CYB5B: variants seen among roughly 807,000 people sequenced by gnomAD.
CYB5B encodes cytochrome b5 type B, also known as cytochrome b5 type B (outer mitochondrial membrane).
CYB5B carries 14 observed loss-of-function variants against 21.3 expected under a neutral mutation model. The ratio of observed to expected loss-of-function variants is 0.66; its 90% CI spans 0.43 to 1.03. CYB5B has a LOEUF of 1.03. Ranked by LOEUF, CYB5B falls within the 50% of genes least tolerant of loss-of-function variation. CYB5B has a pLI of 0.00. For synonymous variants in CYB5B, 69 were observed against 68.4 expected, an observed-to-expected ratio of 1.01 and a Z score of -0.04; for missense variants, 166 against 185.1, an observed-to-expected ratio of 0.90 and a Z score of 0.60.
chr16:69,427,830 C>A (rs2014664238), intron 1 of CYB5B, among the ~76,000 whole-genome samples: 1 of 151,806 alleles, frequency 6.6e-6, no homozygotes, highest in African/African-American at 2.4e-5. Flanking sequence ...CTCGTCTCTA[C>A]TAAAAATACA....
intron 3 of CYB5B, 38 bp from the exon 4 acceptor site, chr16:69,459,052 TTTG>T: frequency 6.5e-7 from 1 of 1,548,900 alleles, no homozygotes; most frequent in Non-Finnish European, 8.7e-7. Context: ...CTTCTTTCTT[TTTG>T]TTTGTTATTT....
intron 1 of CYB5B, among the ~76,000 whole-genome samples, chr16:69,425,734 A>G (rs1009568264): frequency 3.3e-5 from 5 of 152,066 alleles, no homozygotes; most frequent in African/African-American, 1.2e-4. Flanking sequence ...TTCTCTCCCA[A>G]CCCCAGGCAA....
At chr16:69,447,887 C>T (rs927440895) in intron 2 of CYB5B, among the ~76,000 whole-genome samples, 1 of 152,082 alleles carries the variant, frequency 6.6e-6, no homozygotes, top group Non-Finnish European at 1.5e-5. Flanking sequence ...TTGCAAGCTC[C>T]TTGCTAAAGG....
intron 4 of CYB5B, among the ~76,000 whole-genome samples, chr16:69,461,892 C>T (rs891253707): frequency 2.0e-5 from 3 of 152,112 alleles, no homozygotes; most frequent in Admixed American, 6.6e-5. Flanking sequence ...AGAATAATAA[C>T]CCTATTTCGT....
chr16:69,434,137 C>T (rs1309064173), intron 1 of CYB5B, among the ~76,000 whole-genome samples: 1 of 152,162 alleles, frequency 6.6e-6, no homozygotes, highest in Non-Finnish European at 1.5e-5. Context: ...CACTATAGTA[C>T]GTACTCTTCT....
chr16:69,424,927 T>C lies in CYB5B; in HGVS notation c.174+70T>C. 4 of 1,388,142 alleles carry C rather than the reference T, an allele frequency of 2.9e-6. No homozygotes were observed. In the Admixed American group the frequency reaches 8.8e-5, roughly 30 times the overall value. The allele number at this position is 1,388,142 out of a possible 1,614,324, so 86.0% of individuals were successfully genotyped here. On this transcript the variant is annotated intron_variant, in intron 1 of 4. Coordinates refer to ENST00000307892, the MANE Select transcript of CYB5B (RefSeq NM_030579.3). ...GGGTGAAAAGGCTGTGTGGAGTGTA[T>C]GTGGGAAGGAAGGGAGGCTTGGCTG... is the stretch of plus-strand genomic sequence containing the variant.
intron 3 of CYB5B, among the ~76,000 whole-genome samples, chr16:69,452,669 C>T (rs2014947178): frequency 6.6e-6 from 1 of 151,344 alleles, no homozygotes; most frequent in Non-Finnish European, 1.5e-5. Context: ...GACCCTGTCT[C>T]AAAAAAAATT....
In CYB5B at chr16:69,448,157, CG is replaced by C. The variant is rs770552309; in HGVS notation, c.333+15del. On this transcript the variant is annotated intron_variant, in intron 3 of 4. Transcript: ENST00000307892. Reference sequence around the variant, plus strand: ...AAGTGGTAGCAAGGTAAGAAGTCAGCGGTTTGTCTTGTGTTTATATTTGTGT... The same window carrying C: ...AAGTGGTAGCAAGGTAAGAAGTCAGCGTTTGTCTTGTGTTTATATTTGTGT... 1.6e-5 allele frequency: 25 copies of C among 1,612,680 alleles called. No individual in the cohort carries two copies. Among genetic ancestry groups the C allele is most frequent in the Non-Finnish European group, 2.1e-5 (25 of 1,179,614 alleles).
At chr16:69,432,074 A>C (rs2014711404) in intron 1 of CYB5B, among the ~76,000 whole-genome samples, 1 of 152,208 alleles carries the variant, frequency 6.6e-6, no homozygotes, top group Non-Finnish European at 1.5e-5. Context: ...AGTGGGACTG[A>C]AAGAAGCTGT....
At chr16:69,426,842 C>G (rs1427148518) in intron 1 of CYB5B, among the ~76,000 whole-genome samples, 2 of 151,768 alleles carry the variant, frequency 1.3e-5, no homozygotes, top group African/African-American at 4.8e-5. Flanking sequence ...CTTGATTTCT[C>G]TTGTCTGCAT....
rs556216153 is a variant in CYB5B, at chr16:69,444,513, A to G, written c.175-2637A>G. Reference sequence around the variant, plus strand: ...CATCCATTTGATTTTCGCTAACTCTATCTGGAGACTATAGAGTTCTAAACA... The same window carrying G: ...CATCCATTTGATTTTCGCTAACTCTGTCTGGAGACTATAGAGTTCTAAACA... On this transcript the variant is annotated intron_variant, in intron 1 of 4. Coordinates refer to ENST00000307892, the MANE Select transcript of CYB5B (RefSeq NM_030579.3). Among the ~76,000 whole-genome samples, 11 of 152,230 alleles carry G rather than the reference A, an allele frequency of 7.2e-5. No individual in the cohort carries two copies. In the South Asian group the frequency reaches 2.3e-3, roughly 32 times the overall value.
intron 1 of CYB5B, among the ~76,000 whole-genome samples, chr16:69,445,044 A>T (rs2014864300): frequency 6.6e-6 from 1 of 152,236 alleles, no homozygotes; most frequent in Non-Finnish European, 1.5e-5. Context: ...AAATTCAGTC[A>T]TTCCCTGAAA....
chr16:69,462,812 T>C lies in CYB5B; in HGVS notation c.*292T>C. 3.4e-6 allele frequency: 1 copy of C among 293,830 alleles called. No homozygotes were observed. The highest frequency in any genetic ancestry group is 6.5e-6 in the Non-Finnish European group (1 of 153,108). 18.2% of individuals were successfully genotyped at this position (293,830 alleles called of 1,614,324 possible). On this transcript the variant is annotated 3_prime_UTR_variant, in exon 5 of 5. Coordinates refer to ENST00000307892, the MANE Select transcript of CYB5B (RefSeq NM_030579.3). ...ATTTCACAACTTTCTGTTCATAAGT[T>C]ATAGTGACATTGCTCTTTGGTAAAA...
At chr16:69,447,360 G>A in intron 2 of CYB5B, 82 bp downstream of exon 2, 1 of 1,532,794 alleles carries the variant, frequency 6.5e-7, no homozygotes, top group Non-Finnish European at 8.8e-7. Flanking sequence ...ATGAATTATT[G>A]GCTGGGCGTG....
chr16:69,428,027 A>G (rs1344691943), intron 1 of CYB5B, among the ~76,000 whole-genome samples: 2 of 150,644 alleles, frequency 1.3e-5, no homozygotes, highest in Admixed American at 6.6e-5. Context: ...GGGTCCCACT[A>G]TTGCCCAGTG....
In CYB5B at chr16:69,455,242, C is replaced by G. The variant is rs191498393; in HGVS notation, c.334-3851C>G. ...TAATCATGATTCTGGTTCATTCTTT[C>G]CTACATTTATGTCCTGATGACAAAG... On this transcript the variant is annotated intron_variant, in intron 3 of 4. Coordinates refer to ENST00000307892, the MANE Select transcript of CYB5B (RefSeq NM_030579.3). 5.9e-5 allele frequency among the ~76,000 whole-genome samples: 9 copies of G among 152,178 alleles called. No homozygotes were observed. The East Asian group carries it at 1.7e-3, about 29-fold the overall frequency.
rs1313160768 is a variant in CYB5B, at chr16:69,424,662, C to T, written c.-22C>T. Reference sequence around the variant, plus strand: ...CTCAAGGAAAGTAGTCGCGGAATCTCAGTTAGCGGTGGAGAGGCAGTATGT... The same window carrying T: ...CTCAAGGAAAGTAGTCGCGGAATCTTAGTTAGCGGTGGAGAGGCAGTATGT... On this transcript the variant is annotated 5_prime_UTR_variant, in exon 1 of 5. Transcript: ENST00000307892. 6.6e-7 allele frequency: 1 copy of T among 1,513,386 alleles called. No homozygotes were observed. Among genetic ancestry groups the T allele is most frequent in the Non-Finnish European group, 8.9e-7 (1 of 1,127,604 alleles). 93.7% of individuals were successfully genotyped at this position (1,513,386 alleles called of 1,614,324 possible).
intron 3 of CYB5B, among the ~76,000 whole-genome samples, chr16:69,455,101 A>C (rs2014970445): frequency 6.6e-6 from 1 of 151,924 alleles, no homozygotes; most frequent in Non-Finnish European, 1.5e-5. Flanking sequence ...TCACCCTGTT[A>C]GCCAGGATGG....
chr16:69,448,223 A>C, intron 3 of CYB5B, 79 bp downstream of exon 3: 1 of 1,500,980 alleles, frequency 6.7e-7, no homozygotes, highest in Non-Finnish European at 9.2e-7. Flanking sequence ...TTTTTTCTTA[A>C]CAAGAGAAGT....
Sources: gnomAD v4.1 joint callset for allele counts (sites outside exome capture counted in the v4.1 genomes callset) on GRCh38, gnomAD v4.1.1 for gene constraint, MANE v1.5 for transcripts, NCBI Gene and HGNC (gene_info 2026-07-23, HGNC 2026-07-21) for gene names.